Variants in PANK2 observed in about 807,000 individuals in gnomAD.
The protein encoded by PANK2 is pantothenate kinase 2.
Under a neutral mutation model 43.1 loss-of-function variants are expected in PANK2, and 36 were observed. The observed-to-expected ratio is 0.84, with a 90% CI of 0.64 to 1.10. The LOEUF (loss-of-function observed/expected upper bound fraction) is 1.10. PANK2 is among the 50% of genes least tolerant of loss of function. The pLI is 0.00. For synonymous variants in PANK2, 281 were observed against 238.2 expected, an observed-to-expected ratio of 1.18 and a Z score of -1.66; for missense variants, 576 against 593.3, an observed-to-expected ratio of 0.97 and a Z score of 0.30.
upstream of PANK2, chr20:3,889,357 G>T: frequency 6.3e-7 from 1 of 1,582,698 alleles, no homozygotes; most frequent in Non-Finnish European, 8.6e-7. Flanking sequence ...TGGCGCAACG[G>T]AAGAGGCGGC....
intron 1 of PANK2, among the ~76,000 whole-genome samples, chr20:3,903,333 A>G (rs2090334370): frequency 6.6e-6 from 1 of 151,308 alleles, no homozygotes; most frequent in African/African-American, 2.4e-5. Context: ...TTTTTAGTAG[A>G]AACGAGGTTT....
intron 1 of PANK2, among the ~76,000 whole-genome samples, chr20:3,904,364 G>A (rs1424789179): frequency 6.6e-6 from 1 of 151,952 alleles, no homozygotes; most frequent in Non-Finnish European, 1.5e-5. Flanking sequence ...GAGGATTGCT[G>A]GAGGCCAGGA....
At chr20:3,917,191 C>A in intron 5 of PANK2, 141 bp downstream of exon 5, 4 of 931,878 alleles carry the variant, frequency 4.3e-6, no homozygotes, top group East Asian at 2.7e-5. Context: ...TAAAACTCTT[C>A]AAATACAGAT....
chr20:3,921,003 G>T (rs6139242), intron 6 of PANK2, among the ~76,000 whole-genome samples: 5 of 151,910 alleles, frequency 3.3e-5, no homozygotes, highest in Non-Finnish European at 4.4e-5. Flanking sequence ...TTTGCATTCA[G>T]GCCTTTGACT....
upstream of PANK2, chr20:3,888,940 ACCAG>A: frequency 1.7e-6 from 1 of 596,320 alleles, no homozygotes. Context: ...TCTGCCGACG[ACCAG>A]CGGCCAGACG....
chr20:3,904,677 CCA>C (rs546469999), intron 1 of PANK2, among the ~76,000 whole-genome samples: 87 of 152,268 alleles, frequency 5.7e-4, no homozygotes, highest in South Asian at 2.1e-3. Context: ...ATTTTTGCAG[CCA>C]CACACATCTG....
intron 4 of PANK2, 59 bp from the exon 5 acceptor site, chr20:3,916,868 G>A (rs1002869505): frequency 5.6e-6 from 9 of 1,609,622 alleles, no homozygotes; most frequent in African/African-American, 1.3e-5. Flanking sequence ...TAACATTCAA[G>A]TTCTGTTGGG....
rs11468265 is a variant in PANK2, at chr20:3,902,972, G to GACACACACACACACACACAC, written c.299-4927_299-4908dup. On this transcript the variant is annotated intron_variant, in intron 1 of 6. Coordinates refer to ENST00000610179, the MANE Select transcript of PANK2 (RefSeq NM_001386393.1). The stretch of plus-strand genomic sequence containing the variant: ...CCATGAGTTTCGACAGATGTGTATA[G>GACACACACACACACACACAC]ACACACACACACACACACACACACA... Among the ~76,000 whole-genome samples, 222 of 141,420 alleles carry GACACACACACACACACACAC rather than the reference G, an allele frequency of 1.6e-3. 2 individuals carry two copies. Among genetic ancestry groups the GACACACACACACACACACAC allele is most frequent in the African/African-American group, 5.6e-3 (211 of 37,424 alleles). The allele number at this position is 141,420 out of a possible 152,430, so 92.8% of individuals were successfully genotyped here.
At chr20:3,914,236 G>A (rs778233701) in intron 4 of PANK2, among the ~76,000 whole-genome samples, 43 of 151,962 alleles carry the variant, frequency 2.8e-4, no homozygotes, top group Non-Finnish European at 4.7e-4. Context: ...GTTTATGAGC[G>A]TTTATATTTC....
At chr20:3,888,983 G>GTCGCCGTATCATTAAAAAA, upstream of PANK2, 3 of 784,604 alleles carry the variant, frequency 3.8e-6, no homozygotes, top group Non-Finnish European at 5.9e-6. Flanking sequence ...GCTGGAGGAG[G>GTCGCCGTATCATTAAAAAA]GCTCGAGCTG....
At chr20:3,907,099 CTTTTTTTTTT>C (rs71195867) in intron 1 of PANK2, among the ~76,000 whole-genome samples, 1 of 80,628 alleles carries the variant, frequency 1.2e-5, no homozygotes, top group Non-Finnish European at 2.2e-5. Flanking sequence ...CCAGCCCTGC[CTTTTTTTTTT>C]TTTTTTTTTT....
chr20:3,897,602 G>A (rs1270051122), intron 1 of PANK2, among the ~76,000 whole-genome samples: 1 of 152,132 alleles, frequency 6.6e-6, no homozygotes, highest in African/African-American at 2.4e-5. Flanking sequence ...TGAGGTGGGA[G>A]GATCACTTGA....
rs777494733 is a variant in PANK2, at chr20:3,926,961, ATC to A, written c.*3668_*3669del. On this transcript the variant is annotated 3_prime_UTR_variant, in exon 7 of 7. Coordinates refer to ENST00000610179, the MANE Select transcript of PANK2 (RefSeq NM_001386393.1). Reference sequence around the variant, plus strand: ...GTCTCAAAAAAAAAAAAAAAAAAAAATCCGCTATTTCAGGTCACCCTGGTGCT... The same window carrying A: ...GTCTCAAAAAAAAAAAAAAAAAAAAACGCTATTTCAGGTCACCCTGGTGCT... 6.4e-6 allele frequency: 1 copy of A among 156,350 alleles called. No homozygotes were observed. The highest frequency in any genetic ancestry group is 1.4e-5 in the Non-Finnish European group (1 of 71,802). The allele number at this position is 156,350 out of a possible 1,614,324, so 9.7% of individuals were successfully genotyped here.
chr20:3,895,604 G>C (rs1600497126), intron 1 of PANK2, among the ~76,000 whole-genome samples: 1 of 150,074 alleles, frequency 6.7e-6, no homozygotes, highest in Admixed American at 6.7e-5. Flanking sequence ...TTATTTAAAA[G>C]AGCGGTGATG....
intron 1 of PANK2, among the ~76,000 whole-genome samples, chr20:3,898,878 TTTTG>T (rs1050725893): frequency 3.9e-5 from 6 of 151,934 alleles, no homozygotes; most frequent in African/African-American, 9.7e-5. Flanking sequence ...GAGTGTTTTT[TTTTG>T]TTTGTTTGTT....
At chr20:3,898,938 G>A (rs773806418) in intron 1 of PANK2, among the ~76,000 whole-genome samples, 1 of 150,628 alleles carries the variant, frequency 6.6e-6, no homozygotes, top group Non-Finnish European at 1.5e-5. Context: ...GCAGTGGTGC[G>A]ACCTCGGCTC....
rs529820688 is a variant in PANK2, at chr20:3,893,937, T to G, written c.298+4209T>G. Among the ~76,000 whole-genome samples, 42 of 149,138 alleles carry G rather than the reference T, an allele frequency of 2.8e-4. 2 individuals carry two copies. The highest frequency in any genetic ancestry group is 1.2e-3 in the East Asian group (6 of 5,126). ...TTTTTTTTGTTTGTTTTTTGTTTTT[T>G]TTTTTTTTTTTTTAGAGGAGTTTCA... On this transcript the variant is annotated intron_variant, in intron 1 of 6. Transcript: ENST00000610179.
chr20:3,893,352 T>C (rs2090154037), intron 1 of PANK2, among the ~76,000 whole-genome samples: 2 of 152,194 alleles, frequency 1.3e-5, no homozygotes. Flanking sequence ...AACCTACCAT[T>C]GCATGATATA....
At position 3,929,225 on chromosome 20, in the gene PANK2, C is replaced by T. The variant is rs1296481502; in HGVS notation, c.*5931C>T. 1 of 152,202 alleles carries T rather than the reference C, an allele frequency of 6.6e-6. No homozygotes were observed. Among genetic ancestry groups the T allele is most frequent in the Non-Finnish European group, 1.5e-5 (1 of 68,072 alleles). 9.4% of individuals were successfully genotyped at this position (152,202 alleles called of 1,614,324 possible). On this transcript the variant is annotated 3_prime_UTR_variant, in exon 7 of 7. Transcript: ENST00000610179. ...GCCTGGGCAACATAGTGAGTTGAGA[C>T]CTGTCTCTACAAAAAAATAATTACG...
Sources: allele counts gnomAD v4.1 joint callset (sites outside exome capture counted in the v4.1 genomes callset), GRCh38; gene constraint gnomAD v4.1.1; transcripts MANE v1.5; gene names NCBI Gene and HGNC (gene_info 2026-07-23, HGNC 2026-07-21).